Variants in FER1L6 observed in about 807,000 individuals in gnomAD.
The protein encoded by FER1L6 is fer-1-like protein 6.
FER1L6 carries 177 observed loss-of-function variants against 219.2 expected under a neutral mutation model. The observed-to-expected ratio is 0.81, with a 90% CI of 0.71 to 0.91. FER1L6 has a LOEUF of 0.91. FER1L6 is among the 40% of genes least tolerant of loss of function. The pLI is 0.00. For missense variants in FER1L6, 2,153 were observed against 2,259.9 expected, an observed-to-expected ratio of 0.95 and a Z score of 0.96; for synonymous variants, 768 against 824.3, an observed-to-expected ratio of 0.93 and a Z score of 1.17.
intron 37 of FER1L6, among the ~76,000 whole-genome samples, chr8:124,100,053 T>C (rs1057268299): frequency 1.4e-4 from 22 of 152,278 alleles, no homozygotes; most frequent in African/African-American, 4.3e-4. Context: ...AATGTATTGG[T>C]TGAGTGAACA....
At chr8:123,975,423 G>A in intron 8 of FER1L6, 117 bp downstream of exon 8, 2 of 979,312 alleles carry the variant, frequency 2.0e-6, no homozygotes, top group Admixed American at 2.7e-5. Context: ...TCTCAGCTTG[G>A]TCACCTGGCA....
At chr8:124,110,605 C>A (rs1822981354) in intron 39 of FER1L6, among the ~76,000 whole-genome samples, 1 of 152,162 alleles carries the variant, frequency 6.6e-6, no homozygotes, top group Non-Finnish European at 1.5e-5. Flanking sequence ...TCACTAAAAG[C>A]AACCCGTTAA....
intron 12 of FER1L6, among the ~76,000 whole-genome samples, chr8:123,995,086 G>T (rs1817065443): frequency 6.6e-6 from 1 of 152,174 alleles, no homozygotes; most frequent in African/African-American, 2.4e-5. Flanking sequence ...GCAGCCCACT[G>T]CTTCTTTCAG....
rs1363600760 is a variant in FER1L6 at position 124,071,706 on chromosome 8, G to T, written c.4092+75G>T. The T allele has an allele frequency of 2.6e-6, 4 of 1,511,856 alleles. No individual in the cohort carries two copies. In the East Asian group the frequency reaches 9.2e-5, roughly 35 times the overall value. The allele number at this position is 1,511,856 out of a possible 1,614,324, so 93.7% of individuals were successfully genotyped here. On this transcript the variant is annotated intron_variant, in intron 31 of 40. Transcript: ENST00000522917. ...GCCATAACAAAATATATGGCAGACT[G>T]GGAGGCTTAAACAACAGAAATTTAC...
intron 1 of FER1L6, among the ~76,000 whole-genome samples, chr8:123,895,109 A>G (rs1168955292): frequency 6.6e-6 from 1 of 152,260 alleles, no homozygotes; most frequent in African/African-American, 2.4e-5. Flanking sequence ...AGATTGCATC[A>G]TCACTTCATG....
intron 1 of FER1L6, among the ~76,000 whole-genome samples, chr8:123,919,555 T>C (rs1813297484): frequency 6.6e-6 from 1 of 152,224 alleles, no homozygotes; most frequent in Admixed American, 6.5e-5. Context: ...CTGCTCATGG[T>C]CCAGTACCTT....
chr8:123,881,901 A>G (rs1332189158), intron 1 of FER1L6, among the ~76,000 whole-genome samples: 6 of 152,168 alleles, frequency 3.9e-5, no homozygotes, highest in African/African-American at 1.4e-4. Context: ...TAAAGCTGCT[A>G]AGAATTTAGG....
At chr8:123,895,522 TGTA>T (rs1449193529) in intron 1 of FER1L6, among the ~76,000 whole-genome samples, 2 of 152,088 alleles carry the variant, frequency 1.3e-5, no homozygotes, top group Non-Finnish European at 2.9e-5. Context: ...CACAGAGAAA[TGTA>T]GTAACTTGCC....
At chr8:124,102,401 G>A (rs923806439) in intron 38 of FER1L6, among the ~76,000 whole-genome samples, 5 of 152,118 alleles carry the variant, frequency 3.3e-5, no homozygotes, top group Non-Finnish European at 5.9e-5. Context: ...TGTAAACTAC[G>A]TTTATATGTA....
At chr8:124,112,546 T>C (rs2131028196) in intron 39 of FER1L6, among the ~76,000 whole-genome samples, 2 of 152,124 alleles carry the variant, frequency 1.3e-5, no homozygotes, top group African/African-American at 4.8e-5. Flanking sequence ...ATCACTCTTT[T>C]AAGAGACAAA....
chr8:123,917,401 C>A (rs1813221679), intron 1 of FER1L6, among the ~76,000 whole-genome samples: 1 of 152,218 alleles, frequency 6.6e-6, no homozygotes, highest in Admixed American at 6.5e-5. Flanking sequence ...AAAGAACAGG[C>A]TGGGACATTG....
chr8:123,980,814 A>G lies in FER1L6; in HGVS notation c.1410+3A>G. 1 of 1,609,556 alleles carries G rather than the reference A, an allele frequency of 6.2e-7. No homozygotes were observed. Among genetic ancestry groups the G allele is most frequent in the Non-Finnish European group, 8.5e-7 (1 of 1,177,622 alleles). On this transcript the variant is annotated splice_donor_region_variant and intron_variant, in intron 11 of 40. Transcript: ENST00000522917. ...AATCGTTCGATGTCCCCCCGGAGGT[A>G]GGTCTAGGCACTGCATTATGGTACT...
chr8:123,876,340 G>C (rs1227808420), intron 1 of FER1L6, among the ~76,000 whole-genome samples: 1 of 149,194 alleles, frequency 6.7e-6, no homozygotes, highest in Admixed American at 6.6e-5. Context: ...TTTTTTTTGA[G>C]ATGAGTCTTG....
At position 124,076,246 on chromosome 8, in the gene FER1L6, A is replaced by G. The variant is rs768868164; in HGVS notation, c.4141A>G (p.Ile1381Val). 2 of 1,614,078 alleles carry G rather than the reference A, an allele frequency of 1.2e-6. No homozygotes were observed. The highest frequency in any genetic ancestry group is 1.7e-6 in the Non-Finnish European group (2 of 1,179,946). The stretch of plus-strand genomic sequence containing the variant: ...TCCAGATGGCAAATCAGATCCCTAC[A>G]TTGTGATCAAGCTTGGCAAGACAGA... ...ADPDGKSDPY[I>V]VIKLGKTEIK... The change falls in exon 32 of 41, where the codon ATT (isoleucine) becomes GTT (valine). Residue 1381 changes from isoleucine to valine, a missense_variant. Transcript: ENST00000522917.
intron 18 of FER1L6, among the ~76,000 whole-genome samples, chr8:124,028,401 C>T (rs1818803092): frequency 6.6e-6 from 1 of 152,150 alleles, no homozygotes; most frequent in Non-Finnish European, 1.5e-5. Context: ...TCTCACCCAC[C>T]ATCTCTCTTT....
chr8:123,872,150 G>T (rs998662391), intron 1 of FER1L6, among the ~76,000 whole-genome samples: 1 of 152,058 alleles, frequency 6.6e-6, no homozygotes, highest in East Asian at 1.9e-4. Context: ...CATATCTTTC[G>T]AGAATTTACT....
At chr8:124,117,241 A>G (rs1004445330) in intron 39 of FER1L6, among the ~76,000 whole-genome samples, 1 of 152,228 alleles carries the variant, frequency 6.6e-6, no homozygotes, top group Non-Finnish European at 1.5e-5. Flanking sequence ...CTTCATCTAC[A>G]TAAGGGAGAC....
At position 124,049,725 on chromosome 8, in the gene FER1L6, G is replaced by A. The variant is rs376635454; in HGVS notation, c.2843G>A (p.Gly948Glu). 13 of 1,614,018 alleles carry A rather than the reference G, an allele frequency of 8.1e-6. No individual in the cohort carries two copies. The South Asian group carries it at 1.3e-4, about 16-fold the overall frequency. ...ATCTTTTGTGGGAATCTCTCTGGAGGGGATCTCCTTGCTGTATTTGAACTG... is the reference window on the plus strand; with the variant it reads ...ATCTTTTGTGGGAATCTCTCTGGAGAGGATCTCCTTGCTGTATTTGAACTG... ...HPIFCGNLSG[G>E]DLLAVFELLQ... Residue 948 changes from glycine (G) to glutamate (E), a missense_variant, in exon 22 of 41, where the codon GGG (glycine) becomes GAG (glutamate). Gly to Glu is a moderately conservative substitution (Grantham distance 98, BLOSUM62 -2). Transcript: ENST00000522917.
intron 2 of FER1L6, among the ~76,000 whole-genome samples, chr8:123,960,900 T>C (rs1159497561): frequency 1.3e-5 from 2 of 152,148 alleles, no homozygotes; most frequent in Non-Finnish European, 2.9e-5. Flanking sequence ...ACATTGCTAC[T>C]CAAAATTGAC....
Sources: allele counts gnomAD v4.1 joint callset (sites outside exome capture counted in the v4.1 genomes callset), GRCh38; gene constraint gnomAD v4.1.1; transcripts MANE v1.5; gene names NCBI Gene and HGNC (gene_info 2026-07-23, HGNC 2026-07-21).